The following SPOCK1 variants were observed in gnomAD, a reference collection of about 807,000 sequenced individuals.
The protein encoded by SPOCK1 is testican-1.
SPOCK1 carries 23 observed loss-of-function variants against 55.3 expected under a neutral mutation model. The observed-to-expected ratio is 0.42, with a 90% CI of 0.30 to 0.59. SPOCK1 has a LOEUF of 0.59. SPOCK1 is among the 20% of genes least tolerant of loss of function. The probability of loss-of-function intolerance (pLI) is 0.22; values close to 1 mark genes in which losing one functional copy is unlikely to be tolerated. For synonymous variants in SPOCK1, 226 were observed against 221.0 expected, an observed-to-expected ratio of 1.02 and a Z score of -0.20; for missense variants, 499 against 552.5, an observed-to-expected ratio of 0.90 and a Z score of 0.97.
intron 5 of SPOCK1, among the ~76,000 whole-genome samples, chr5:137,071,837 T>C (rs1752620667): frequency 1.3e-5 from 2 of 152,160 alleles, no homozygotes; most frequent in African/African-American, 4.8e-5. Flanking sequence ...TTCTCCCAGG[T>C]TCTTTCTAGG....
At chr5:137,058,254 G>C (rs146218045) in intron 6 of SPOCK1, among the ~76,000 whole-genome samples, 1 of 152,310 alleles carries the variant, frequency 6.6e-6, no homozygotes, top group East Asian at 1.9e-4. Flanking sequence ...ACAAGTTCCA[G>C]AAAAGGTTTC....
intron 6 of SPOCK1, among the ~76,000 whole-genome samples, chr5:137,046,299 T>G (rs1035649815): frequency 2.4e-5 from 3 of 124,032 alleles, no homozygotes; most frequent in African/African-American, 8.9e-5. Flanking sequence ...CTTCCATTTG[T>G]TTGTGTCCTC....
At chr5:137,316,377 A>C (rs751050912) in intron 2 of SPOCK1, among the ~76,000 whole-genome samples, 37 of 152,208 alleles carry the variant, frequency 2.4e-4, no homozygotes, top group Non-Finnish European at 4.9e-4. Context: ...TCTAAAAAGA[A>C]GTTTGTCTTT....
chr5:137,398,553 G>A (rs1282615442), intron 2 of SPOCK1, among the ~76,000 whole-genome samples: 3 of 152,150 alleles, frequency 2.0e-5, no homozygotes, highest in Non-Finnish European at 4.4e-5. Flanking sequence ...AGGATATGCA[G>A]AACACATTCT....
chr5:137,067,868 C>T, intron 5 of SPOCK1, 39 bp from the exon 6 acceptor site: 2 of 1,540,910 alleles, frequency 1.3e-6, no homozygotes, highest in Non-Finnish European at 1.8e-6. Context: ...AGAATGCAGC[C>T]ATAACAGACC....
At chr5:137,167,429 A>C (rs1754670142) in intron 3 of SPOCK1, among the ~76,000 whole-genome samples, 1 of 151,914 alleles carries the variant, frequency 6.6e-6, no homozygotes, top group Non-Finnish European at 1.5e-5. Flanking sequence ...ATTAACAAAA[A>C]AAAACATAGG....
intron 5 of SPOCK1, among the ~76,000 whole-genome samples, chr5:137,103,353 C>T (rs1401923912): frequency 6.6e-6 from 1 of 152,230 alleles, no homozygotes; most frequent in African/African-American, 2.4e-5. Context: ...ATAAAAACGA[C>T]ATTCCCCAGC....
chr5:137,185,093 A>T (rs968884169), intron 3 of SPOCK1, among the ~76,000 whole-genome samples: 2 of 152,192 alleles, frequency 1.3e-5, no homozygotes, highest in African/African-American at 4.8e-5. Context: ...AATGACAAAC[A>T]AAAGGAGGAA....
intron 2 of SPOCK1, among the ~76,000 whole-genome samples, chr5:137,427,397 A>T (rs1174786514): frequency 2.0e-5 from 3 of 152,080 alleles, no homozygotes; most frequent in African/African-American, 7.2e-5. Context: ...AGTTTTTTTC[A>T]TTTACTCTGG....
intron 6 of SPOCK1, among the ~76,000 whole-genome samples, chr5:137,031,359 CT>C (rs1437352565): frequency 6.6e-6 from 1 of 152,196 alleles, no homozygotes; most frequent in African/African-American, 2.4e-5. Context: ...TTGAATTTCT[CT>C]GAGTTAACAT....
intron 6 of SPOCK1, among the ~76,000 whole-genome samples, chr5:137,053,863 C>G (rs1752254420): frequency 6.6e-6 from 1 of 152,198 alleles, no homozygotes; most frequent in Non-Finnish European, 1.5e-5. Flanking sequence ...GCCACATCCT[C>G]AGCTGGAAGA....
At chr5:137,457,631 G>A (rs1427223379) in intron 2 of SPOCK1, among the ~76,000 whole-genome samples, 2 of 152,082 alleles carry the variant, frequency 1.3e-5, no homozygotes, top group Admixed American at 6.6e-5. Flanking sequence ...GATGTGTTGG[G>A]GTTTTAAATC....
intron 4 of SPOCK1, among the ~76,000 whole-genome samples, chr5:137,138,374 C>T (rs60916177): frequency 1.7e-3 from 262 of 152,270 alleles, no homozygotes; most frequent in African/African-American, 6.0e-3. Context: ...ATCAATGAGG[C>T]TGCTGAATAG....
chr5:137,276,716 T>C (rs1004411395), intron 2 of SPOCK1, among the ~76,000 whole-genome samples: 1 of 152,200 alleles, frequency 6.6e-6, no homozygotes, highest in Admixed American at 6.5e-5. Flanking sequence ...GATAACTCCC[T>C]TTTAGTGACT....
chr5:137,483,787 T>C (rs1370223696), intron 2 of SPOCK1, among the ~76,000 whole-genome samples: 1 of 152,150 alleles, frequency 6.6e-6, no homozygotes, highest in African/African-American at 2.4e-5. Flanking sequence ...GCCAAAAGTC[T>C]TCTGGGGCAA....
At chr5:137,327,787 G>A (rs1326696529) in intron 2 of SPOCK1, among the ~76,000 whole-genome samples, 5 of 152,102 alleles carry the variant, frequency 3.3e-5, no homozygotes, top group Admixed American at 2.0e-4. Context: ...AATCATAGAC[G>A]AGTCCTGCCA....
At chr5:137,244,853 A>C (rs1179918169) in intron 3 of SPOCK1, among the ~76,000 whole-genome samples, 1 of 152,214 alleles carries the variant, frequency 6.6e-6, no homozygotes, top group Non-Finnish European at 1.5e-5. Context: ...GCCCTCCAAC[A>C]TAAGAACCAA....
chr5:136,982,196 A>G (rs1750745573), intron 9 of SPOCK1, among the ~76,000 whole-genome samples: 1 of 152,224 alleles, frequency 6.6e-6, no homozygotes, highest in Admixed American at 6.5e-5. Context: ...GCATGTCTAT[A>G]GAGCAACTGA....
At chr5:137,454,376 A>C (rs1334732902) in intron 2 of SPOCK1, among the ~76,000 whole-genome samples, 1 of 152,212 alleles carries the variant, frequency 6.6e-6, no homozygotes, top group Non-Finnish European at 1.5e-5. Flanking sequence ...TCGGAGGATC[A>C]CTGAGCTCCT....
Sources: allele counts gnomAD v4.1 joint callset (sites outside exome capture counted in the v4.1 genomes callset), GRCh38; gene constraint gnomAD v4.1.1; transcripts MANE v1.5; gene names NCBI Gene and HGNC (gene_info 2026-07-23, HGNC 2026-07-21).